The following AOPEP variants were observed in gnomAD, a reference collection of about 807,000 sequenced individuals.
AOPEP encodes aminopeptidase O.
A neutral mutation model predicts 98.1 loss-of-function variants in AOPEP; 77 were observed. That is an observed-to-expected ratio of 0.78 (90% confidence interval 0.65 to 0.95). The LOEUF (loss-of-function observed/expected upper bound fraction) is 0.95, where lower values mean the gene tolerates loss of function less well. AOPEP is among the 40% of genes least tolerant of loss of function. AOPEP has a pLI of 0.00. For missense variants in AOPEP, 1,024 were observed against 1,024.7 expected, an observed-to-expected ratio of 1.00 and a Z score of 0.01; for synonymous variants, 346 against 365.3, an observed-to-expected ratio of 0.95 and a Z score of 0.60.
At chr9:94,997,436 C>T (rs2061312468) in intron 11 of AOPEP, among the ~76,000 whole-genome samples, 1 of 152,128 alleles carries the variant, frequency 6.6e-6, no homozygotes, top group African/African-American at 2.4e-5. Context: ...GAATTTTTTC[C>T]ATAGTAACCT....
At chr9:95,097,012 G>A in the AOPEP span, among the ~76,000 whole-genome samples, 11 of 152,226 alleles carry the variant, frequency 7.2e-5, no homozygotes, top group African/African-American at 2.7e-4. Flanking sequence ...ACTGGTGGAA[G>A]GGGTGCACCG....
chr9:94,976,227 G>A lies in AOPEP; in HGVS notation c.1917-3140G>A, dbSNP rs7048641. ...AACCTTTGCCCAGCAGCCATCCAGC[G>A]AATGTTTGCCACATAGAGAATGTTG... On this transcript the variant is annotated intron_variant, in intron 10 of 16. Transcript: ENST00000375315. Among the ~76,000 whole-genome samples the A allele has an allele frequency of 4.9e-3, 748 of 152,258 alleles. 2 individuals carry two copies. The highest frequency in any genetic ancestry group is 0.017 in the African/African-American group (705 of 41,540).
intron 4 of AOPEP, among the ~76,000 whole-genome samples, chr9:94,798,863 T>G (rs1847616303): frequency 6.6e-6 from 1 of 152,234 alleles, no homozygotes; most frequent in Non-Finnish European, 1.5e-5. Flanking sequence ...TAGGTGGGCA[T>G]TGCAGCCTTT....
chr9:95,078,323 T>A (rs1190919164), intron 14 of AOPEP, among the ~76,000 whole-genome samples: 1 of 152,080 alleles, frequency 6.6e-6, no homozygotes, highest in Non-Finnish European at 1.5e-5. Context: ...GTTGTTTCTG[T>A]GTGTGTAAAT....
chr9:94,920,988 A>G (rs1233792493), intron 5 of AOPEP, among the ~76,000 whole-genome samples: 1 of 151,840 alleles, frequency 6.6e-6, no homozygotes, highest in Non-Finnish European at 1.5e-5. Context: ...AATAGAAGCA[A>G]GAGGGCTTGT....
the AOPEP span, among the ~76,000 whole-genome samples, chr9:95,124,363 G>A: frequency 1.3e-5 from 2 of 152,146 alleles, no homozygotes; most frequent in Non-Finnish European, 2.9e-5. Context: ...TATATATGCT[G>A]AAAGGTGAAA....
At chr9:94,962,436 G>T (rs1404966947) in intron 9 of AOPEP, among the ~76,000 whole-genome samples, 1 of 152,208 alleles carries the variant, frequency 6.6e-6, no homozygotes, top group Non-Finnish European at 1.5e-5. Context: ...CATGAGGCTG[G>T]GGGTCGGTGC....
chr9:94,836,182 C>T lies in AOPEP; in HGVS notation c.1364+35180C>T, dbSNP rs549988628. Among the ~76,000 whole-genome samples the T allele has an allele frequency of 1.8e-4, 28 of 152,194 alleles. No homozygotes were observed. In the South Asian group the frequency reaches 5.6e-3, roughly 30 times the overall value. On this transcript the variant is annotated intron_variant, in intron 5 of 16. Transcript: ENST00000375315. Reference sequence around the variant, plus strand: ...GTAACTTAAGACATACATAGAGCTCCTATAAACAGTCATAGCACAGGCTTT... The same window carrying T: ...GTAACTTAAGACATACATAGAGCTCTTATAAACAGTCATAGCACAGGCTTT...
chr9:94,933,671 C>G, intron 7 of AOPEP: 1 of 985,334 alleles, frequency 1.0e-6, no homozygotes, highest in African/African-American at 1.7e-5. Context: ...CTGCATGCCA[C>G]AAGTGTTGTG....
intron 10 of AOPEP, among the ~76,000 whole-genome samples, chr9:94,975,742 G>A (rs546305710): frequency 2.0e-4 from 30 of 152,264 alleles, no homozygotes; most frequent in African/African-American, 5.8e-4. Flanking sequence ...CCTCTTCTCC[G>A]CTTTTTCTTC....
At chr9:94,794,545 G>A (rs970865817) in intron 4 of AOPEP, among the ~76,000 whole-genome samples, 5 of 152,132 alleles carry the variant, frequency 3.3e-5, no homozygotes, top group African/African-American at 1.2e-4. Flanking sequence ...CTTCTGATGG[G>A]CATGTATTAT....
In AOPEP at chr9:94,811,776, A is replaced by T. The variant is rs955977315; in HGVS notation, c.1364+10774A>T. ...CCAGAGGCGGCATCTCCTCAGCTTA[A>T]GTGTTGTCTGGGGAGAACTTCTTAG... On this transcript the variant is annotated intron_variant, in intron 5 of 16. Transcript: ENST00000375315. Among the ~76,000 whole-genome samples the T allele has an allele frequency of 2.9e-4, 44 of 152,172 alleles. 1 individual carries two copies. The highest frequency in any genetic ancestry group is 2.1e-4 in the South Asian group (1 of 4,822).
the AOPEP span, among the ~76,000 whole-genome samples, chr9:95,129,416 G>C: frequency 6.6e-6 from 1 of 151,962 alleles, no homozygotes; most frequent in African/African-American, 2.4e-5. Context: ...TTTGGAAGCC[G>C]TATCTTCCCC....
chr9:94,774,279 T>A (rs1198753299), intron 3 of AOPEP, among the ~76,000 whole-genome samples: 1 of 116,836 alleles, frequency 8.6e-6, no homozygotes, highest in Non-Finnish European at 1.6e-5. Context: ...GCCACTGCAC[T>A]CCAGCCTGGG....
At chr9:94,834,613 C>T (rs777247279) in intron 5 of AOPEP, among the ~76,000 whole-genome samples, 2 of 152,004 alleles carry the variant, frequency 1.3e-5, no homozygotes, top group Middle Eastern at 3.4e-3. Context: ...GGTAACATGG[C>T]GAAACCTTTT....
At chr9:95,092,377 G>GGGGCCTGGGGGC in the AOPEP span, among the ~76,000 whole-genome samples, 2 of 152,036 alleles carry the variant, frequency 1.3e-5, no homozygotes, top group Non-Finnish European at 2.9e-5. Flanking sequence ...GTCGCTGAGT[G>GGGGCCTGGGGGC]GGGCCTGGGG....
intron 2 of AOPEP, among the ~76,000 whole-genome samples, chr9:94,761,550 C>T (rs1838298990): frequency 1.3e-5 from 2 of 152,102 alleles, no homozygotes; most frequent in Admixed American, 1.3e-4. Context: ...CAGTGGTCTT[C>T]GGCAATTGCT....
At chr9:95,131,342 C>T in the AOPEP span, among the ~76,000 whole-genome samples, 1 of 152,226 alleles carries the variant, frequency 6.6e-6, no homozygotes, top group Non-Finnish European at 1.5e-5. Context: ...GCTCCTCAGC[C>T]CCCTGCTGCT....
intron 5 of AOPEP, among the ~76,000 whole-genome samples, chr9:94,806,965 G>T (rs1849389876): frequency 6.6e-6 from 1 of 152,218 alleles, no homozygotes; most frequent in African/African-American, 2.4e-5. Context: ...AGAGTCTGGT[G>T]GTCCAGACTT....
Sources: allele counts gnomAD v4.1 joint callset (sites outside exome capture counted in the v4.1 genomes callset), GRCh38; gene constraint gnomAD v4.1.1; transcripts MANE v1.5; gene names NCBI Gene and HGNC (gene_info 2026-07-23, HGNC 2026-07-21).